Variants in KCNQ5 observed in about 807,000 individuals in gnomAD.
The protein encoded by KCNQ5 is potassium voltage-gated channel subfamily Q member 5.
Under a neutral mutation model 98.2 loss-of-function variants are expected in KCNQ5, and 30 were observed. The observed-to-expected ratio is 0.31, with a 90% CI of 0.23 to 0.41. KCNQ5 has a LOEUF of 0.41. Ranked by LOEUF, KCNQ5 falls within the 10% of genes least tolerant of loss-of-function variation. The pLI, the probability that KCNQ5 is intolerant of heterozygous loss-of-function variation, is 1.00. For missense variants in KCNQ5, 835 were observed against 1,182.5 expected (o/e 0.71, Z 4.31); for synonymous variants, 458 against 449.4 (o/e 1.02, Z -0.24).
At chr6:72,624,128 A>G (rs2098916921) in intron 1 of KCNQ5, among the ~76,000 whole-genome samples, 1 of 152,226 alleles carries the variant, frequency 6.6e-6, no homozygotes, top group Non-Finnish European at 1.5e-5. Flanking sequence ...ATTACATCAA[A>G]AAGTATAACT....
intron 1 of KCNQ5, among the ~76,000 whole-genome samples, chr6:72,843,359 A>G (rs1274872041): frequency 6.6e-6 from 1 of 152,160 alleles, no homozygotes. Context: ...TTTTGGTATC[A>G]GTACCATGCT....
At chr6:73,127,559 G>T (rs542542930) in intron 9 of KCNQ5, among the ~76,000 whole-genome samples, 24 of 152,310 alleles carry the variant, frequency 1.6e-4, no homozygotes, top group African/African-American at 5.8e-4. Flanking sequence ...CATACACAGA[G>T]AGGCTTTTCT....
At chr6:72,920,806 T>G (rs1780357623) in intron 1 of KCNQ5, among the ~76,000 whole-genome samples, 2 of 152,238 alleles carry the variant, frequency 1.3e-5, no homozygotes, top group South Asian at 2.1e-4. Flanking sequence ...TCAACCATCT[T>G]CTTTAACTAG....
At chr6:73,124,093 A>T (rs1775852793) in intron 8 of KCNQ5, among the ~76,000 whole-genome samples, 1 of 152,224 alleles carries the variant, frequency 6.6e-6, no homozygotes, top group Non-Finnish European at 1.5e-5. Context: ...TAATGAATCC[A>T]GGTTTAGAAA....
At chr6:72,813,437 A>G (rs886983571) in intron 1 of KCNQ5, among the ~76,000 whole-genome samples, 3 of 152,172 alleles carry the variant, frequency 2.0e-5, no homozygotes, top group African/African-American at 4.8e-5. Flanking sequence ...AAAGCTTTCC[A>G]TCAGTTTGTT....
At chr6:72,870,370 G>A (rs544161901) in intron 1 of KCNQ5, among the ~76,000 whole-genome samples, 8 of 152,158 alleles carry the variant, frequency 5.3e-5, no homozygotes, top group African/African-American at 1.9e-4. Flanking sequence ...CAACCTCCCA[G>A]GCTCAGATGA....
chr6:72,820,310 C>G (rs1239292441), intron 1 of KCNQ5, among the ~76,000 whole-genome samples: 1 of 152,092 alleles, frequency 6.6e-6, no homozygotes, highest in Non-Finnish European at 1.5e-5. Flanking sequence ...GATGAGTCAT[C>G]CAACTGGTGA....
At chr6:72,644,336 T>C (rs113471091) in intron 1 of KCNQ5, among the ~76,000 whole-genome samples, 42 of 152,272 alleles carry the variant, frequency 2.8e-4, no homozygotes, top group African/African-American at 1.0e-3. Flanking sequence ...CATACCTGAA[T>C]GTTGTTTATC....
intron 1 of KCNQ5, among the ~76,000 whole-genome samples, chr6:72,934,900 T>C (rs1765838774): frequency 6.6e-6 from 1 of 152,100 alleles, no homozygotes; most frequent in Admixed American, 6.6e-5. Flanking sequence ...AAACCTCTAA[T>C]ACAGTGACAC....
chr6:72,912,020 A>T (rs1439383426), intron 1 of KCNQ5, among the ~76,000 whole-genome samples: 1 of 152,126 alleles, frequency 6.6e-6, no homozygotes, highest in Non-Finnish European at 1.5e-5. Flanking sequence ...AGCTTCAAAT[A>T]TATAAGCGTT....
chr6:73,187,740 A>C (rs1475713734), intron 11 of KCNQ5, among the ~76,000 whole-genome samples: 2 of 152,246 alleles, frequency 1.3e-5, no homozygotes, highest in African/African-American at 4.8e-5. Flanking sequence ...CTAGCTCATA[A>C]ATAGCAAATT....
At chr6:72,719,305 A>C (rs1204269915) in intron 1 of KCNQ5, among the ~76,000 whole-genome samples, 2 of 152,216 alleles carry the variant, frequency 1.3e-5, no homozygotes, top group Non-Finnish European at 2.9e-5. Flanking sequence ...TGCATTAGGC[A>C]TCCCTTGCTG....
intron 1 of KCNQ5, among the ~76,000 whole-genome samples, chr6:72,758,413 C>T (rs532833956): frequency 6.6e-5 from 10 of 152,156 alleles, no homozygotes; most frequent in East Asian, 1.9e-4. Flanking sequence ...TTTTATTAGA[C>T]GATTTTAGTA....
intron 1 of KCNQ5, among the ~76,000 whole-genome samples, chr6:72,896,431 TA>T (rs541011612): frequency 2.9e-3 from 424 of 144,534 alleles, no homozygotes; most frequent in Middle Eastern, 7.2e-3. Flanking sequence ...TATCTACTTG[TA>T]AAAAAAAAAA....
In KCNQ5 at chr6:73,096,512, C is replaced by T. The variant is rs141082253; in HGVS notation, c.919-8745C>T. ...ACTTTGTTCTAAGAGATGTGGGGAA[C>T]GCCTGGAGCAGTCTGATCATAGGAG... On this transcript the variant is annotated intron_variant, in intron 5 of 13. Coordinates refer to ENST00000370398, the MANE Select transcript of KCNQ5 (RefSeq NM_019842.4). Among the ~76,000 whole-genome samples, 47 of 152,172 alleles carry T rather than the reference C, an allele frequency of 3.1e-4. No homozygotes were observed. In the East Asian group the frequency reaches 7.4e-3, roughly 24 times the overall value.
At chr6:73,177,744 T>G (rs1238244019) in intron 11 of KCNQ5, among the ~76,000 whole-genome samples, 1 of 152,252 alleles carries the variant, frequency 6.6e-6, no homozygotes, top group African/African-American at 2.4e-5. Context: ...AAGACATTCT[T>G]GACAGCCAAT....
chr6:72,787,004 C>CAAAA (rs1045803750), intron 1 of KCNQ5, among the ~76,000 whole-genome samples: 169 of 50,312 alleles, frequency 3.4e-3, no homozygotes, highest in Middle Eastern at 0.011. Context: ...GACTCTGTCT[C>CAAAA]AAAAAAAAAA....
intron 1 of KCNQ5, among the ~76,000 whole-genome samples, chr6:72,665,929 A>G (rs372476943): frequency 2.5e-4 from 38 of 152,320 alleles, no homozygotes; most frequent in Middle Eastern, 3.4e-3. Context: ...GCTTCTGGTC[A>G]TGAATAAAAT....
At chr6:72,777,160 T>C (rs372076430) in intron 1 of KCNQ5, among the ~76,000 whole-genome samples, 1 of 152,328 alleles carries the variant, frequency 6.6e-6, no homozygotes, top group East Asian at 1.9e-4. Context: ...ATGAGCTAAG[T>C]CTTTATCATG....
Sources: gnomAD v4.1 joint callset for allele counts (sites outside exome capture counted in the v4.1 genomes callset) on GRCh38, gnomAD v4.1.1 for gene constraint, MANE v1.5 for transcripts, NCBI Gene and HGNC (gene_info 2026-07-23, HGNC 2026-07-21) for gene names.